VIPR2: variants seen among roughly 807,000 people sequenced by gnomAD.
VIPR2 encodes vasoactive intestinal peptide receptor 2.
A neutral mutation model predicts 58.0 loss-of-function variants in VIPR2; 48 were observed. That is an observed-to-expected ratio of 0.83 (90% CI 0.66 to 1.05). The LOEUF is 1.05. Ranked by LOEUF, VIPR2 falls within the 50% of genes least tolerant of loss-of-function variation. The pLI is 0.00. For missense variants in VIPR2, 534 were observed against 558.0 expected, an observed-to-expected ratio of 0.96 and a Z score of 0.43; for synonymous variants, 243 against 235.2, an observed-to-expected ratio of 1.03 and a Z score of -0.30.
intron 5 of VIPR2, among the ~76,000 whole-genome samples, chr7:159,047,660 T>C (rs1203698997): frequency 1.3e-5 from 2 of 152,234 alleles, no homozygotes; most frequent in African/African-American, 2.4e-5. Flanking sequence ...TTTTATGAAG[T>C]AGACTCTAGA....
At chr7:159,032,794 C>G (rs1227022405) in intron 10 of VIPR2, among the ~76,000 whole-genome samples, 1 of 152,048 alleles carries the variant, frequency 6.6e-6, no homozygotes, top group Non-Finnish European at 1.5e-5. Context: ...ATTTAACAAA[C>G]ACTCCCAAAG....
At chr7:159,077,270 AAT>A (rs1856682471) in intron 4 of VIPR2, among the ~76,000 whole-genome samples, 3 of 150,650 alleles carry the variant, frequency 2.0e-5, no homozygotes, top group African/African-American at 7.5e-5. Flanking sequence ...AGCCCTGTTC[AAT>A]GTCTTTGAGG....
Position 159,085,861 on chromosome 7 carries a change from C to T in VIPR2, c.357+17896G>A, listed in dbSNP as rs116531502. On this transcript the variant is annotated intron_variant, in intron 4 of 12. Coordinates refer to ENST00000262178, the MANE Select transcript of VIPR2 (RefSeq NM_003382.5). ...TTGCCAGGGGCTGGGGAAGGAGGGA[C>T]GAAGAGGCGGAGCACAGGGGAGTTT... 8.4e-3 allele frequency among the ~76,000 whole-genome samples: 1,275 copies of T among 152,146 alleles called. 16 individuals carry two copies. The highest frequency in any genetic ancestry group is 0.029 in the African/African-American group (1,198 of 41,504).
chr7:159,060,108 A>C (rs1438266187), intron 4 of VIPR2, among the ~76,000 whole-genome samples: 1 of 144,004 alleles, frequency 6.9e-6, no homozygotes, highest in Non-Finnish European at 1.5e-5. Context: ...CACCTCACCT[A>C]ATCACCACCT....
chr7:159,098,688 C>T lies in VIPR2; in HGVS notation c.357+5069G>A. Among the ~76,000 whole-genome samples the T allele has an allele frequency of 6.6e-6, 1 of 152,356 alleles. No individual in the cohort carries two copies. Among genetic ancestry groups the T allele is most frequent in the Middle Eastern group, 3.4e-3 (1 of 294 alleles). On this transcript the variant is annotated intron_variant, in intron 4 of 12. Transcript: ENST00000262178. The surrounding 1 kb of genome is among the most constrained non-coding windows in gnomAD (Gnocchi z 5.2). ...CTCCTCCCAGGGGCTCCCACACCCACATCTCTGCTGATTCCCTCACACATG... is the reference window on the plus strand; with the variant it reads ...CTCCTCCCAGGGGCTCCCACACCCATATCTCTGCTGATTCCCTCACACATG...
At chr7:159,036,098 G>T (rs1044496044) in intron 7 of VIPR2, 86 bp from the exon 8 acceptor site, 56 of 1,454,466 alleles carry the variant, frequency 3.9e-5, no homozygotes, top group Non-Finnish European at 4.9e-5. Flanking sequence ...AACCCTCAAG[G>T]ACACGCTTTC....
intron 2 of VIPR2, among the ~76,000 whole-genome samples, chr7:159,133,725 G>C (rs1347006889): frequency 1.3e-5 from 2 of 152,136 alleles, no homozygotes; most frequent in Non-Finnish European, 2.9e-5. Context: ...GTTATTATTA[G>C]AGATAACATA....
At position 159,095,803 on chromosome 7, in the gene VIPR2, C is replaced by G. The variant is rs1857798287; in HGVS notation, c.357+7954G>C. Among the ~76,000 whole-genome samples, 1 of 139,146 alleles carries G rather than the reference C, an allele frequency of 7.2e-6. No homozygotes were observed. Among genetic ancestry groups the G allele is most frequent in the Non-Finnish European group, 1.5e-5 (1 of 65,998 alleles). The allele number at this position is 139,146 out of a possible 152,430, so 91.3% of individuals were successfully genotyped here. On this transcript the variant is annotated intron_variant, in intron 4 of 12. Coordinates refer to ENST00000262178, the MANE Select transcript of VIPR2 (RefSeq NM_003382.5). The surrounding 1 kb of genome is among the most constrained non-coding windows in gnomAD (Gnocchi z 5.2). ...AGGCAGTAGGTGAATCCCTTCAAAA[C>G]TCTTCCTTCTCTCTTTTTTTTTTAA...
At chr7:159,080,033 G>C (rs1856826012) in intron 4 of VIPR2, among the ~76,000 whole-genome samples, 1 of 152,152 alleles carries the variant, frequency 6.6e-6, no homozygotes, top group South Asian at 2.1e-4. Context: ...AATTCTACCA[G>C]AGGTACAAGG....
At chr7:159,116,594 A>T (rs1585532140) in intron 2 of VIPR2, among the ~76,000 whole-genome samples, 1 of 152,302 alleles carries the variant, frequency 6.6e-6, no homozygotes, top group African/African-American at 2.4e-5. Flanking sequence ...GACACTGTAG[A>T]CTAAGTCGTT....
intron 1 of VIPR2, among the ~76,000 whole-genome samples, chr7:159,143,752 G>C (rs931909454): frequency 3.9e-5 from 6 of 152,240 alleles, no homozygotes; most frequent in Non-Finnish European, 7.3e-5. Context: ...AATACCTGAC[G>C]TTCCTGGAAT....
chr7:159,048,251 T>C (rs1854770870), intron 5 of VIPR2, among the ~76,000 whole-genome samples: 2 of 152,248 alleles, frequency 1.3e-5, no homozygotes, highest in African/African-American at 4.8e-5. Context: ...AGGGTAAGCT[T>C]ATTTAACTTG....
intron 2 of VIPR2, among the ~76,000 whole-genome samples, chr7:159,138,847 ATATATG>A (rs1585573765): frequency 6.6e-6 from 1 of 152,252 alleles, no homozygotes; most frequent in South Asian, 2.1e-4. Context: ...TATTAGATAT[ATATATG>A]TATATCACTT....
At chr7:159,058,653 C>T (rs1855462768) in intron 4 of VIPR2, 75 bp from the exon 5 acceptor site, 2 of 1,138,078 alleles carry the variant, frequency 1.8e-6, no homozygotes, top group Middle Eastern at 1.9e-4. Flanking sequence ...TTCCAGGATC[C>T]AGCCCTGTGC....
In VIPR2 at chr7:159,099,120, C is replaced by A. The variant is rs1188715352; in HGVS notation, c.357+4637G>T. 6.6e-6 allele frequency among the ~76,000 whole-genome samples: 1 copy of A among 152,232 alleles called. No homozygotes were observed. On this transcript the variant is annotated intron_variant, in intron 4 of 12. Coordinates refer to ENST00000262178, the MANE Select transcript of VIPR2 (RefSeq NM_003382.5). This position sits in a 1 kb window ranked among gnomAD's most constrained non-coding sequence, Gnocchi z 4.2. ...CAAAGTATTCAACGAGCAGAAACTGCAACAGGAAGAAAAATTATTCATTTT... is the reference window on the plus strand; with the variant it reads ...CAAAGTATTCAACGAGCAGAAACTGAAACAGGAAGAAAAATTATTCATTTT...
rs1275116318 is a variant in VIPR2, at chr7:159,098,422, C to T, written c.357+5335G>A. Among the ~76,000 whole-genome samples, 2 of 152,142 alleles carry T rather than the reference C, an allele frequency of 1.3e-5. No homozygotes were observed. The highest frequency in any genetic ancestry group is 2.9e-5 in the Non-Finnish European group (2 of 68,016). ...TTTACTCAGTGAAGACCTAAGACTCCCCCAGGCCTGAAAGCTGGTCTTGGC... is the reference window on the plus strand; with the variant it reads ...TTTACTCAGTGAAGACCTAAGACTCTCCCAGGCCTGAAAGCTGGTCTTGGC... On this transcript the variant is annotated intron_variant, in intron 4 of 12. Coordinates refer to ENST00000262178, the MANE Select transcript of VIPR2 (RefSeq NM_003382.5). This position sits in a 1 kb window ranked among gnomAD's most constrained non-coding sequence, Gnocchi z 5.2.
intron 7 of VIPR2, among the ~76,000 whole-genome samples, chr7:159,036,489 G>A (rs756864987): frequency 1.4e-4 from 22 of 152,150 alleles, no homozygotes; most frequent in African/African-American, 5.3e-4. Context: ...GGAGGAAACC[G>A]TTTTGTTACT....
chr7:159,108,207 T>A (rs1795845845), intron 3 of VIPR2, among the ~76,000 whole-genome samples: 1 of 152,218 alleles, frequency 6.6e-6, no homozygotes, highest in Non-Finnish European at 1.5e-5. Flanking sequence ...AGCCTCAGCT[T>A]CTGTGGTACG....
chr7:159,060,975 GAATC>G (rs1459422508), intron 4 of VIPR2, among the ~76,000 whole-genome samples: 1 of 152,162 alleles, frequency 6.6e-6, no homozygotes, highest in African/African-American at 2.4e-5. Flanking sequence ...CAAAGACATG[GAATC>G]AATACGTCTC....
Sources: allele counts gnomAD v4.1 joint callset (sites outside exome capture counted in the v4.1 genomes callset), GRCh38; gene constraint gnomAD v4.1.1; non-coding constraint Gnocchi (gnomAD v3.1); transcripts MANE v1.5; gene names NCBI Gene and HGNC (gene_info 2026-07-23, HGNC 2026-07-21).